Variants in MACF1 observed in about 807,000 individuals in gnomAD.
MACF1 encodes the protein microtubule actin crosslinking factor 1.
MACF1 carries 193 observed loss-of-function variants against 854.8 expected under a neutral mutation model. The ratio of observed to expected loss-of-function variants is 0.23; its 90% CI spans 0.20 to 0.25. MACF1 has a LOEUF of 0.25. Among genes scored for constraint, MACF1 ranks in the 10% least tolerant of loss-of-function variants. MACF1 has a pLI of 1.00. For missense variants in MACF1, 7,722 were observed against 8,929.1 expected, an observed-to-expected ratio of 0.86 and a Z score of 5.45; for synonymous variants, 3,185 against 3,226.7, an observed-to-expected ratio of 0.99 and a Z score of 0.44.
At chr1:39,121,519 G>A (rs906839496) in intron 2 of MACF1, among the ~76,000 whole-genome samples, 6 of 152,044 alleles carry the variant, frequency 3.9e-5, no homozygotes, top group Middle Eastern at 3.4e-3. Context: ...GCACTATCTC[G>A]GCTCACTACA....
chr1:39,217,452 T>G (rs1644590250), intron 1 of MACF1, among the ~76,000 whole-genome samples: 2 of 151,920 alleles, frequency 1.3e-5, no homozygotes, highest in Non-Finnish European at 2.9e-5. Flanking sequence ...TTTTTGTATT[T>G]TTGGTAGAGA....
At position 39,331,217 on chromosome 1, in the gene MACF1, T is replaced by C. The variant is rs1189286654; in HGVS notation, c.4629T>C (p.Val1543=). 1 of 1,569,352 alleles carries C rather than the reference T, an allele frequency of 6.4e-7. No homozygotes were observed. Among genetic ancestry groups the C allele is most frequent in the African/African-American group, 1.4e-5 (1 of 69,400 alleles). ...TTTTTTTTTAGGAATGCAGAGCAGTTGCTGGGGTGATTGACCTAGGCACAG... is the reference window on the plus strand; with the variant it reads ...TTTTTTTTTAGGAATGCAGAGCAGTCGCTGGGGTGATTGACCTAGGCACAG... ...HQTEQKECRA[V]AGVIDLGTVE... is the part of the protein sequence containing the mutation. The change falls in exon 37 of 101, where the codon GTT becomes GTC. Residue 1543 remains valine, a synonymous_variant. Transcript: ENST00000564288.
Position 39,438,022 on chromosome 1 carries a change from G to T in MACF1, c.18220+14G>T. 1 of 1,605,926 alleles carries T rather than the reference G, an allele frequency of 6.2e-7. No homozygotes were observed. The highest frequency in any genetic ancestry group is 8.5e-7 in the Non-Finnish European group (1 of 1,174,410). On this transcript the variant is annotated intron_variant, in intron 71 of 100. Transcript: ENST00000564288. The stretch of plus-strand genomic sequence containing the variant: ...TGGCTGCAAAAGGTGCTTGATGATT[G>T]TCATTATTTTTAAAAATCAACAGAA...
chr1:39,107,482 A>T (rs994040344), intron 2 of MACF1, among the ~76,000 whole-genome samples: 1 of 152,116 alleles, frequency 6.6e-6, no homozygotes, highest in Non-Finnish European at 1.5e-5. Context: ...CTCGAGTTGT[A>T]TACGGTGGTC....
chr1:39,469,629 C>T lies in MACF1; in HGVS notation c.21958+14C>T. ...AGTCTCCCATAGGTTGGCTTTTAAG[C>T]TTTGTCCCTCTTCCTCACACCCTAG... On this transcript the variant is annotated intron_variant, in intron 97 of 100. Transcript: ENST00000564288. 6.5e-7 allele frequency: 1 copy of T among 1,544,492 alleles called. No homozygotes were observed. The highest frequency in any genetic ancestry group is 8.8e-7 in the Non-Finnish European group (1 of 1,141,470).
rs771855295 is a variant in MACF1 at position 39,353,024 on chromosome 1, A to G, written c.11217A>G (p.Glu3739=). 6 of 1,613,764 alleles carry G rather than the reference A, an allele frequency of 3.7e-6. No homozygotes were observed. In the South Asian group the frequency reaches 6.6e-5, roughly 18 times the overall value. The change falls in exon 44 of 101, where the codon GAA becomes GAG. Residue 3739 remains glutamate (E), a synonymous_variant. Transcript: ENST00000564288. ...GCTTTCAGAGTAAAGCAGCAAAGGAACTGGCAGAGAACAAGAAGAAGATCG... is the reference window on the plus strand; with the variant it reads ...GCTTTCAGAGTAAAGCAGCAAAGGAGCTGGCAGAGAACAAGAAGAAGATCG... The part of the protein sequence containing the change: ...QETEKSKAAK[E]LAENKKKIDA...
intron 52 of MACF1, among the ~76,000 whole-genome samples, chr1:39,378,131 G>A (rs1649876189): frequency 6.6e-6 from 1 of 152,044 alleles, no homozygotes; most frequent in Non-Finnish European, 1.5e-5. Flanking sequence ...CCAAAATATG[G>A]CAAGTACCAT....
intron 58 of MACF1, among the ~76,000 whole-genome samples, chr1:39,405,045 AG>A (rs1360688446): frequency 1.3e-5 from 2 of 152,184 alleles, no homozygotes; most frequent in Non-Finnish European, 2.9e-5. Context: ...GAAAGTCTAC[AG>A]GCAGGAAAGG....
At chr1:39,119,126 G>C (rs865782168) in intron 2 of MACF1, among the ~76,000 whole-genome samples, 1 of 151,872 alleles carries the variant, frequency 6.6e-6, no homozygotes, top group African/African-American at 2.4e-5. Flanking sequence ...CTAGACCAGC[G>C]GGACCAACAT....
intron 46 of MACF1, 95 bp from the exon 47 acceptor site, chr1:39,359,046 C>A (rs2256614): frequency 6.6e-7 from 1 of 1,506,564 alleles, no homozygotes; most frequent in Non-Finnish European, 9.1e-7. Flanking sequence ...GTTAAACTTA[C>A]AATTATTCTG....
intron 68 of MACF1, 133 bp from the exon 69 acceptor site, chr1:39,434,281 A>G (rs766055457): frequency 2.3e-6 from 1 of 434,644 alleles, no homozygotes; most frequent in Non-Finnish European, 4.1e-6. Context: ...ATCACTTGTA[A>G]TCTTTACTGA....
chr1:39,243,085 T>A (rs903631663), intron 2 of MACF1, among the ~76,000 whole-genome samples: 2 of 152,348 alleles, frequency 1.3e-5, no homozygotes, highest in Middle Eastern at 3.4e-3. Context: ...GGTTCTAGAT[T>A]CTCTGCTTTT....
At chr1:39,423,733 C>A (rs536670773) in intron 60 of MACF1, among the ~76,000 whole-genome samples, 1 of 151,294 alleles carries the variant, frequency 6.6e-6, no homozygotes, top group Non-Finnish European at 1.5e-5. Context: ...TTAACATATT[C>A]ATCACTTCAA....
At chr1:39,279,209 G>C (rs1382415157) in intron 6 of MACF1, among the ~76,000 whole-genome samples, 1 of 152,124 alleles carries the variant, frequency 6.6e-6, no homozygotes, top group Non-Finnish European at 1.5e-5. Flanking sequence ...TATGTCCCTT[G>C]AATCTGCTGG....
intron 2 of MACF1, among the ~76,000 whole-genome samples, chr1:39,137,900 C>G (rs1643224585): frequency 6.6e-6 from 1 of 151,472 alleles, no homozygotes; most frequent in African/African-American, 2.4e-5. Context: ...ATGGAGAAAC[C>G]CCATCTCTAC....
At chr1:39,324,412 G>A (rs1646570979) in intron 34 of MACF1, 67 bp downstream of exon 34, 7 of 1,557,346 alleles carry the variant, frequency 4.5e-6, no homozygotes, top group Non-Finnish European at 6.1e-6. Context: ...AGGTGGAATA[G>A]TAGAAGTCAC....
chr1:39,422,033 C>G (rs968297144), intron 58 of MACF1, among the ~76,000 whole-genome samples: 2 of 151,976 alleles, frequency 1.3e-5, no homozygotes, highest in African/African-American at 4.8e-5. Flanking sequence ...CGAGATCACG[C>G]CACTGCACTC....
chr1:39,215,988 T>C (rs1644573304), intron 1 of MACF1, among the ~76,000 whole-genome samples: 1 of 152,120 alleles, frequency 6.6e-6, no homozygotes, highest in African/African-American at 2.4e-5. Flanking sequence ...GACTTAGATC[T>C]CTCTTGATAA....
intron 30 of MACF1, among the ~76,000 whole-genome samples, chr1:39,319,237 T>C (rs542500417): frequency 6.6e-6 from 1 of 152,276 alleles, no homozygotes; most frequent in South Asian, 2.1e-4. Context: ...GTGATACATG[T>C]AAAATACTTA....
Sources: allele counts gnomAD v4.1 joint callset (sites outside exome capture counted in the v4.1 genomes callset), GRCh38; gene constraint gnomAD v4.1.1; transcripts MANE v1.5; gene names NCBI Gene and HGNC (gene_info 2026-07-23, HGNC 2026-07-21).